NAALADL2: variants seen among roughly 807,000 people sequenced by gnomAD.
NAALADL2 encodes the protein inactive N-acetylated-alpha-linked acidic dipeptidase-like protein 2.
A neutral mutation model predicts 87.2 loss-of-function variants in NAALADL2; 76 were observed. That is an observed-to-expected ratio of 0.87 (90% confidence interval 0.72 to 1.05). The LOEUF is 1.05. NAALADL2 is among the 50% of genes least tolerant of loss of function. The pLI is 0.00. For synonymous variants in NAALADL2, 354 were observed against 331.0 expected (o/e 1.07, Z -0.75); for missense variants, 1,089 against 945.8 (o/e 1.15, Z -1.99).
At chr3:175,303,821 T>G (rs1211790178) in intron 4 of NAALADL2, among the ~76,000 whole-genome samples, 1 of 152,186 alleles carries the variant, frequency 6.6e-6, no homozygotes, top group Non-Finnish European at 1.5e-5. Context: ...TGACTTTTCA[T>G]CCACTTGATT....
intron 1 of NAALADL2, among the ~76,000 whole-genome samples, chr3:174,925,283 A>G (rs1735833053): frequency 6.6e-6 from 1 of 152,150 alleles, no homozygotes; most frequent in South Asian, 2.1e-4. Flanking sequence ...TCAGCTTTCT[A>G]CATATGGCTA....
At chr3:175,020,207 G>A (rs532559833) in intron 1 of NAALADL2, among the ~76,000 whole-genome samples, 1 of 152,082 alleles carries the variant, frequency 6.6e-6, no homozygotes, top group Admixed American at 6.6e-5. Context: ...TTGAAAGATT[G>A]GTAGGTCTTG....
chr3:174,621,388 T>C (rs928052634), intron 2 of NAALADL2, among the ~76,000 whole-genome samples: 1 of 152,128 alleles, frequency 6.6e-6, no homozygotes, highest in African/African-American at 2.4e-5. Flanking sequence ...AGATTATCAC[T>C]GGGACTTGAT....
intron 11 of NAALADL2, among the ~76,000 whole-genome samples, chr3:175,711,051 G>A (rs1740462516): frequency 6.6e-6 from 1 of 151,812 alleles, no homozygotes; most frequent in African/African-American, 2.4e-5. Context: ...GTTATTACTG[G>A]TGTAGCTGTT....
chr3:174,766,877 G>A (rs1339449798), intron 3 of NAALADL2, among the ~76,000 whole-genome samples: 1 of 152,184 alleles, frequency 6.6e-6, no homozygotes, highest in Non-Finnish European at 1.5e-5. Flanking sequence ...GACTAAGCAG[G>A]CTGAAATTTC....
chr3:175,187,547 G>C (rs999606015), intron 2 of NAALADL2, among the ~76,000 whole-genome samples: 11 of 152,072 alleles, frequency 7.2e-5, no homozygotes, highest in African/African-American at 2.4e-4. Flanking sequence ...GTAGATTGTA[G>C]AACAAAGTGC....
At chr3:175,162,948 A>G (rs1733457236) in intron 2 of NAALADL2, among the ~76,000 whole-genome samples, 3 of 152,174 alleles carry the variant, frequency 2.0e-5, no homozygotes, top group Admixed American at 1.3e-4. Context: ...ATGTTGACAT[A>G]TGAAAAAAGC....
rs188690242 is a variant in NAALADL2 at position 174,694,920 on chromosome 3, C to T, written c.-114-42721C>T. Among the ~76,000 whole-genome samples the T allele has an allele frequency of 5.3e-3, 802 of 151,926 alleles. 11 individuals are homozygous for T. Among genetic ancestry groups the T allele is most frequent in the African/African-American group, 0.018 (756 of 41,408 alleles). On this transcript the variant is annotated intron_variant, in intron 2 of 3. Coordinates refer to the NAALADL2 transcript ENST00000434257. ...AAGCCCTCTCCCAAATCTTGAGGCA[C>T]CTCTATAAAATTCCAAGGGCTCTAA...
intron 11 of NAALADL2, among the ~76,000 whole-genome samples, chr3:175,691,692 TGGC>T (rs1469583485): frequency 1.3e-5 from 2 of 152,086 alleles, no homozygotes; most frequent in Non-Finnish European, 2.9e-5. Flanking sequence ...TTGGTGTGAA[TGGC>T]TTTAGTATAT....
At chr3:175,372,229 A>G (rs1766596698) in intron 5 of NAALADL2, among the ~76,000 whole-genome samples, 1 of 152,158 alleles carries the variant, frequency 6.6e-6, no homozygotes. Context: ...GTAAAGCTCC[A>G]TCATTACATT....
intron 11 of NAALADL2, among the ~76,000 whole-genome samples, chr3:175,712,437 GA>G (rs1441275806): frequency 6.6e-6 from 1 of 152,052 alleles, no homozygotes; most frequent in Non-Finnish European, 1.5e-5. Context: ...AATGAGACAA[GA>G]AGGTAAAGTT....
chr3:174,959,761 A>AG, intron 1 of NAALADL2, among the ~76,000 whole-genome samples: 1 of 152,216 alleles, frequency 6.6e-6, no homozygotes. Flanking sequence ...CTTTTATCCA[A>AG]GTGACTTAAC....
chr3:174,776,823 G>T (rs1715269199), intron 3 of NAALADL2, among the ~76,000 whole-genome samples: 1 of 152,104 alleles, frequency 6.6e-6, no homozygotes. Context: ...TGCTCACCAT[G>T]CATGACAAAG....
chr3:174,577,896 A>T (rs932866179), intron 2 of NAALADL2, among the ~76,000 whole-genome samples: 5 of 152,092 alleles, frequency 3.3e-5, no homozygotes, highest in African/African-American at 1.2e-4. Context: ...CATGGTTCTG[A>T]TTAGTGAAAA....
intron 13 of NAALADL2, among the ~76,000 whole-genome samples, chr3:175,759,045 C>T (rs79030347): frequency 0.098 from 14,877 of 151,960 alleles, 924 homozygotes; most frequent in Non-Finnish European, 0.14. Context: ...TTTTGGAATA[C>T]GTAGAATAAT....
At chr3:175,081,833 T>G (rs1717893185) in intron 1 of NAALADL2, among the ~76,000 whole-genome samples, 1 of 152,204 alleles carries the variant, frequency 6.6e-6, no homozygotes, top group African/African-American at 2.4e-5. Flanking sequence ...CCATTTATTG[T>G]ACATTTTTGG....
chr3:175,291,570 T>G (rs1398428362), intron 4 of NAALADL2, among the ~76,000 whole-genome samples: 9 of 152,098 alleles, frequency 5.9e-5, no homozygotes, highest in Admixed American at 5.9e-4. Context: ...ACAACAAAGT[T>G]TCAGTGTTTT....
At chr3:174,449,062 T>C (rs747147926) in intron 1 of NAALADL2, among the ~76,000 whole-genome samples, 1 of 152,180 alleles carries the variant, frequency 6.6e-6, no homozygotes, top group Non-Finnish European at 1.5e-5. Flanking sequence ...GATAGTGTCA[T>C]CTGTGAAATA....
chr3:174,564,608 T>C (rs1161757480), intron 2 of NAALADL2, among the ~76,000 whole-genome samples: 1 of 152,174 alleles, frequency 6.6e-6, no homozygotes, highest in Non-Finnish European at 1.5e-5. Flanking sequence ...TCAGTCTCTT[T>C]TAATGGTTTT....
Sources: allele counts gnomAD v4.1 joint callset (sites outside exome capture counted in the v4.1 genomes callset), GRCh38; gene constraint gnomAD v4.1.1; transcripts MANE v1.5; gene names NCBI Gene and HGNC (gene_info 2026-07-23, HGNC 2026-07-21).